Variants in SH3RF1 observed in about 807,000 individuals in gnomAD.
SH3RF1 encodes the protein SH3 domain containing ring finger 1, also known as E3 ubiquitin-protein ligase SH3RF1.
In SH3RF1, 32 loss-of-function variants were observed where a neutral mutation model predicts 74.0. That is an observed-to-expected ratio of 0.43 (90% confidence interval 0.33 to 0.58). SH3RF1 has a LOEUF of 0.58. SH3RF1 is among the 20% of genes least tolerant of loss of function. The pLI, the probability that SH3RF1 is intolerant of heterozygous loss-of-function variation, is 0.05. For synonymous variants in SH3RF1, 396 were observed against 439.6 expected, an observed-to-expected ratio of 0.90 and a Z score of 1.24; for missense variants, 954 against 1,130.9, an observed-to-expected ratio of 0.84 and a Z score of 2.24.
intron 2 of SH3RF1, among the ~76,000 whole-genome samples, chr4:169,253,726 A>C (rs1183244174): frequency 6.6e-6 from 1 of 152,214 alleles, no homozygotes; most frequent in Non-Finnish European, 1.5e-5. Context: ...TATACATGTA[A>C]CATTTTGCAT....
chr4:169,105,758 T>C (rs2446174), intron 11 of SH3RF1, among the ~76,000 whole-genome samples: 37,681 of 152,098 alleles, frequency 0.25, 5,747 homozygotes, highest in African/African-American at 0.43. Flanking sequence ...TGGTGGCACA[T>C]GCTTGTGGTC....
At chr4:169,145,311 C>A (rs1028603501) in intron 4 of SH3RF1, among the ~76,000 whole-genome samples, 1 of 151,968 alleles carries the variant, frequency 6.6e-6, no homozygotes, top group Non-Finnish European at 1.5e-5. Context: ...AGGTCATTAT[C>A]CTAAGTGAAA....
intron 1 of SH3RF1, among the ~76,000 whole-genome samples, chr4:169,270,336 G>T (rs1296208602): frequency 6.6e-6 from 1 of 152,066 alleles, no homozygotes; most frequent in Admixed American, 6.5e-5. Flanking sequence ...GGCGGCACCC[G>T]GCAGGAGCCG....
At chr4:169,222,580 T>G (rs948592715) in intron 2 of SH3RF1, among the ~76,000 whole-genome samples, 2 of 151,304 alleles carry the variant, frequency 1.3e-5, no homozygotes, top group East Asian at 3.9e-4. Flanking sequence ...TTTAAGATAA[T>G]AGAATTTCAT....
At chr4:169,267,761 G>A (rs1341076010) in intron 2 of SH3RF1, among the ~76,000 whole-genome samples, 2 of 152,100 alleles carry the variant, frequency 1.3e-5, no homozygotes, top group Non-Finnish European at 2.9e-5. Context: ...CGAATTATGG[G>A]AACTAATGCT....
chr4:169,225,381 T>C (rs923384136), intron 2 of SH3RF1, among the ~76,000 whole-genome samples: 7 of 152,146 alleles, frequency 4.6e-5, no homozygotes, highest in African/African-American at 1.4e-4. Context: ...ATCAGCAAGA[T>C]GGTGACCCCT....
chr4:169,239,541 T>C (rs1234752257), intron 2 of SH3RF1, among the ~76,000 whole-genome samples: 1 of 152,204 alleles, frequency 6.6e-6, no homozygotes, highest in African/African-American at 2.4e-5. Flanking sequence ...CCAAGTTAAC[T>C]TCTGAAGAAA....
intron 2 of SH3RF1, among the ~76,000 whole-genome samples, chr4:169,158,982 C>T (rs1427342708): frequency 6.6e-6 from 1 of 152,204 alleles, no homozygotes; most frequent in Non-Finnish European, 1.5e-5. Context: ...TAGAACTTCC[C>T]TGAGAGGCCA....
At chr4:169,250,783 G>A (rs1243397669) in intron 2 of SH3RF1, among the ~76,000 whole-genome samples, 1 of 152,036 alleles carries the variant, frequency 6.6e-6, no homozygotes, top group African/African-American at 2.4e-5. Context: ...TGCAAGGCTA[G>A]AAGATTGGCA....
intron 2 of SH3RF1, among the ~76,000 whole-genome samples, chr4:169,252,304 T>C (rs1173560951): frequency 6.6e-6 from 1 of 152,210 alleles, no homozygotes; most frequent in Non-Finnish European, 1.5e-5. Context: ...ATATTACTTC[T>C]CTCTTTCAAG....
intron 2 of SH3RF1, among the ~76,000 whole-genome samples, chr4:169,251,120 ACACTAACTGAGGTTCAAG>A (rs1731097549): frequency 6.6e-6 from 1 of 152,190 alleles, no homozygotes; most frequent in South Asian, 2.1e-4. Flanking sequence ...GTGACATGTC[ACACTAACTGAGGTTCAAG>A]GGAGCTACTC....
At chr4:169,190,387 G>A (rs1561048571) in intron 2 of SH3RF1, among the ~76,000 whole-genome samples, 1 of 152,044 alleles carries the variant, frequency 6.6e-6, no homozygotes. Context: ...CAAAACGAGA[G>A]ACATTACAAC....
chr4:169,261,905 CAAAG>C (rs1731284030), intron 2 of SH3RF1, among the ~76,000 whole-genome samples: 1 of 151,572 alleles, frequency 6.6e-6, no homozygotes, highest in Admixed American at 6.6e-5. Context: ...ATTCTTAAAA[CAAAG>C]AAAAATACTA....
At chr4:169,125,641 A>G (rs953641137) in intron 6 of SH3RF1, among the ~76,000 whole-genome samples, 1 of 152,220 alleles carries the variant, frequency 6.6e-6, no homozygotes, top group Non-Finnish European at 1.5e-5. Flanking sequence ...CTCCCAGGGT[A>G]GAAAAGTGAC....
intron 2 of SH3RF1, among the ~76,000 whole-genome samples, chr4:169,202,015 T>C (rs1044848930): frequency 6.6e-5 from 10 of 152,080 alleles, no homozygotes; most frequent in African/African-American, 2.4e-4. Flanking sequence ...AGTTTCCCTT[T>C]ACCCATCTGC....
intron 2 of SH3RF1, among the ~76,000 whole-genome samples, chr4:169,168,626 T>C (rs982647881): frequency 3.3e-5 from 5 of 152,172 alleles, no homozygotes; most frequent in African/African-American, 9.7e-5. Flanking sequence ...ATTATTTAAG[T>C]TGGATAAAGG....
At chr4:169,177,994 C>A (rs1734448788) in intron 2 of SH3RF1, among the ~76,000 whole-genome samples, 1 of 151,680 alleles carries the variant, frequency 6.6e-6, no homozygotes, top group Non-Finnish European at 1.5e-5. Flanking sequence ...GTGGCTCATG[C>A]CTTTGGAAGT....
In SH3RF1 at chr4:169,106,989, C is replaced by T. The variant is rs1336537558; in HGVS notation, c.2356G>A (p.Ala786Thr). The change falls in exon 11 of 12, where the codon GCA becomes ACA. Residue 786 changes from alanine to threonine, a missense_variant. Coordinates refer to ENST00000284637, the MANE Select transcript of SH3RF1 (RefSeq NM_020870.4). ...DGDGPVTTAV[A>T]GAALAQDAFH... ...GCATCCTGGGCCAGGGCTGCTCCTG[C>T]CACTGCAGTCGTGACCGGTCCGTCC... 1 of 1,613,970 alleles carries T rather than the reference C, an allele frequency of 6.2e-7. No homozygotes were observed. The highest frequency in any genetic ancestry group is 1.7e-5 in the Admixed American group (1 of 60,030).
At chr4:169,266,069 G>A (rs1341590810) in intron 2 of SH3RF1, among the ~76,000 whole-genome samples, 3 of 152,104 alleles carry the variant, frequency 2.0e-5, no homozygotes, top group Non-Finnish European at 2.9e-5. Context: ...TCTTTACTTA[G>A]AGGTAAAAAA....
Sources: allele counts gnomAD v4.1 joint callset (sites outside exome capture counted in the v4.1 genomes callset), GRCh38; gene constraint gnomAD v4.1.1; transcripts MANE v1.5; gene names NCBI Gene and HGNC (gene_info 2026-07-23, HGNC 2026-07-21).